The following PARVG variants were observed in gnomAD, a reference collection of about 807,000 sequenced individuals.
PARVG encodes gamma-parvin.
Under a neutral mutation model 44.4 loss-of-function variants are expected in PARVG, and 36 were observed. The observed-to-expected ratio is 0.81, with a 90% CI of 0.62 to 1.07. PARVG has a LOEUF of 1.07. PARVG is among the 50% of genes least tolerant of loss of function. The probability of loss-of-function intolerance (pLI) is 0.00; values close to 1 mark genes in which losing one functional copy is unlikely to be tolerated. For missense variants in PARVG, 407 were observed against 407.4 expected (o/e 1.00, Z 0.01); for synonymous variants, 170 against 174.1 (o/e 0.98, Z 0.19).
chr22:44,196,529 T>A, intron 11 of PARVG, 114 bp downstream of exon 11: 1 of 1,299,164 alleles, frequency 7.7e-7, no homozygotes, highest in Non-Finnish European at 1.1e-6. Context: ...CATCACCTCT[T>A]GGAGCCTTAG....
chr22:44,187,992 G>C, intron 5 of PARVG, 114 bp downstream of exon 5: 1 of 1,055,742 alleles, frequency 9.5e-7, no homozygotes, highest in Non-Finnish European at 1.4e-6. Context: ...CCCGGGTTTA[G>C]GGACACCTGT....
At position 44,186,484 on chromosome 22, in the gene PARVG, A is replaced by G. The variant is rs551757869; in HGVS notation, c.144+612A>G. On this transcript the variant is annotated intron_variant, in intron 4 of 13. Coordinates refer to ENST00000444313, the MANE Select transcript of PARVG (RefSeq NM_022141.7). ...CCTCCAGGGAGGCCTCCTGGCCTAC[A>G]CCATCTTCCATACCCAGAGGCTTTG... 8.7e-6 allele frequency: 4 copies of G among 458,632 alleles called. No homozygotes were observed. The East Asian group carries it at 2.8e-4, about 32-fold the overall frequency. The allele number at this position is 458,632 out of a possible 1,614,324, so 28.4% of individuals were successfully genotyped here. A position where few individuals can be genotyped will look rare whatever the true frequency, so the allele number is the denominator to read the frequency against.
chr22:44,191,490 C>T (rs1438262419), intron 7 of PARVG, among the ~76,000 whole-genome samples: 1 of 141,422 alleles, frequency 7.1e-6, no homozygotes, highest in East Asian at 2.2e-4. Flanking sequence ...TTCTGCCTCT[C>T]CAGCTCAAGT....
intron 9 of PARVG, 63 bp downstream of exon 9, chr22:44,193,886 CTT>C: frequency 6.3e-7 from 1 of 1,584,274 alleles, no homozygotes; most frequent in Non-Finnish European, 8.7e-7. Context: ...GCAGACAAGT[CTT>C]AATGCAGGGT....
rs1417928763 is a variant in PARVG, at chr22:44,183,404, A to G, written c.75A>G (p.Ser25=). ...GVEPPAEEEL[S]KGGKKKYLPP... Reference sequence around the variant, plus strand: ...AGCCCCCAGCGGAGGAGGAGCTCTCAAAAGGTGTGTGCCCACGCAGGTCTG... The same window carrying G: ...AGCCCCCAGCGGAGGAGGAGCTCTCGAAAGGTGTGTGCCCACGCAGGTCTG... The change falls in exon 3 of 14, where the codon TCA becomes TCG. Residue 25 remains serine, a synonymous_variant. Transcript: ENST00000444313. The G allele has an allele frequency of 6.2e-7, 1 of 1,600,830 alleles. No individual in the cohort carries two copies. Among genetic ancestry groups the G allele is most frequent in the Non-Finnish European group, 8.5e-7 (1 of 1,175,950 alleles).
At chr22:44,185,115 C>T (rs2054444965) in intron 3 of PARVG, 1 of 152,282 alleles carries the variant, frequency 6.6e-6, no homozygotes, top group Non-Finnish European at 1.5e-5. Flanking sequence ...TGTTGCCTTC[C>T]CTTTCATCAG....
chr22:44,200,782 A>C (rs1430172050), intron 12 of PARVG, among the ~76,000 whole-genome samples: 1 of 152,142 alleles, frequency 6.6e-6, no homozygotes, highest in Non-Finnish European at 1.5e-5. Context: ...TTGGCCCTGG[A>C]TCAGGCCTCT....
chr22:44,183,065 C>G (rs1259023663), intron 2 of PARVG: 2 of 493,932 alleles, frequency 4.0e-6, no homozygotes, highest in African/African-American at 4.0e-5. Context: ...AGGACCACTT[C>G]CTCCGCCAAG....
At chr22:44,201,890 A>G (rs1337708575) in intron 12 of PARVG, among the ~76,000 whole-genome samples, 3 of 152,228 alleles carry the variant, frequency 2.0e-5, no homozygotes, top group Non-Finnish European at 4.4e-5. Context: ...GCAATGGCAG[A>G]CACATGAGAG....
At chr22:44,186,315 G>A in intron 4 of PARVG, 1 of 326,956 alleles carries the variant, frequency 3.1e-6, no homozygotes, top group Non-Finnish European at 6.1e-6. Context: ...GGTGGTGGTG[G>A]GCCTGGGTCA....
At position 44,206,309 on chromosome 22, in the gene PARVG, G is replaced by A. The variant is rs766280239; in HGVS notation, c.887-8G>A. The A allele has an allele frequency of 4.3e-6, 7 of 1,609,748 alleles. No homozygotes were observed. The highest frequency in any genetic ancestry group is 5.1e-6 in the Non-Finnish European group (6 of 1,176,536). On this transcript the variant is annotated splice_polypyrimidine_tract_variant and splice_region_variant and intron_variant, in intron 13 of 13. Transcript: ENST00000444313. ...TGACTGGCTGCCCTGCCCTCCTTTG[G>A]CCCGCAGATATCGTGAACAAGGATG...
upstream of PARVG, among the ~76,000 whole-genome samples, chr22:44,180,191 G>A (rs571655855): frequency 6.6e-5 from 10 of 152,172 alleles, 1 homozygote; most frequent in South Asian, 6.2e-4. Context: ...CTCCTATCCC[G>A]AGGCCCCTCT....
chr22:44,191,977 G>T, intron 7 of PARVG, 72 bp from the exon 8 acceptor site: 1 of 1,527,896 alleles, frequency 6.5e-7, no homozygotes, highest in South Asian at 1.1e-5. Flanking sequence ...CAGAGCAAAC[G>T]GATCACTGGG....
At chr22:44,192,710 G>T (rs1283933042) in intron 8 of PARVG, among the ~76,000 whole-genome samples, 1 of 151,044 alleles carries the variant, frequency 6.6e-6, no homozygotes, top group Non-Finnish European at 1.5e-5. Flanking sequence ...CACTGGGGCT[G>T]GCCATACTGC....
At chr22:44,184,367 C>T (rs1304919371) in intron 3 of PARVG, 2 of 152,172 alleles carry the variant, frequency 1.3e-5, no homozygotes, top group Non-Finnish European at 2.9e-5. Flanking sequence ...AGACAAAAAT[C>T]TCACTGTGTC....
intron 12 of PARVG, among the ~76,000 whole-genome samples, chr22:44,201,442 G>A (rs771559046): frequency 6.6e-6 from 1 of 152,088 alleles, no homozygotes; most frequent in Non-Finnish European, 1.5e-5. Context: ...CGCCCCCACG[G>A]GGATGCATCT....
chr22:44,202,606 A>T (rs375095069), intron 12 of PARVG, among the ~76,000 whole-genome samples: 2 of 152,226 alleles, frequency 1.3e-5, no homozygotes, highest in African/African-American at 4.8e-5. Flanking sequence ...AGACTCCAAG[A>T]ATGAATTTTT....
At chr22:44,204,740 G>C (rs1372461917) in intron 12 of PARVG, among the ~76,000 whole-genome samples, 1 of 152,254 alleles carries the variant, frequency 6.6e-6, no homozygotes. Flanking sequence ...CCCCGGGCTG[G>C]GATGTCCACC....
chr22:44,202,079 G>A (rs553164472), intron 12 of PARVG, among the ~76,000 whole-genome samples: 1 of 152,376 alleles, frequency 6.6e-6, no homozygotes, highest in African/African-American at 2.4e-5. Context: ...AAATCCTCAT[G>A]TTGGGTCTTG....
Sources: allele counts gnomAD v4.1 joint callset (sites outside exome capture counted in the v4.1 genomes callset), GRCh38; gene constraint gnomAD v4.1.1; transcripts MANE v1.5; gene names NCBI Gene and HGNC (gene_info 2026-07-23, HGNC 2026-07-21).